Variants in AFG2A observed in about 807,000 individuals in gnomAD.
AFG2A encodes AAA ATPase AFG2A, also known as ATPase family gene 2 protein homolog A.
chr4:123,177,205 T>G, the AFG2A span, among the ~76,000 whole-genome samples: 1 of 151,000 alleles, frequency 6.6e-6, no homozygotes, highest in East Asian at 1.9e-4. Context: ...TTTTTTTTTT[T>G]TTTTTTGAGA....
chr4:123,134,347 A>T, the AFG2A span, among the ~76,000 whole-genome samples: 1 of 152,166 alleles, frequency 6.6e-6, no homozygotes, highest in Admixed American at 6.5e-5. Flanking sequence ...GTCATCACTT[A>T]TTGTAGAGAC....
At chr4:123,226,328 G>A in the AFG2A span, among the ~76,000 whole-genome samples, 891 of 152,280 alleles carry the variant, frequency 5.9e-3, 6 homozygotes, top group Non-Finnish European at 9.7e-3. Flanking sequence ...TGCCCATTCA[G>A]TATGATATTG....
At chr4:123,304,211 C>G in the AFG2A span, among the ~76,000 whole-genome samples, 1 of 152,180 alleles carries the variant, frequency 6.6e-6, no homozygotes, top group Non-Finnish European at 1.5e-5. Flanking sequence ...TGCTCTGCAG[C>G]CAGGAGCCTG....
At chr4:123,315,376 A>AGATTT in the AFG2A span, 1 of 128,026 alleles carries the variant, frequency 7.8e-6, no homozygotes, top group African/African-American at 3.3e-5. Context: ...TTTTTTTTTT[A>AGATTT]TTAGAGACAG....
the AFG2A span, among the ~76,000 whole-genome samples, chr4:123,231,355 A>C: frequency 6.6e-6 from 1 of 151,980 alleles, no homozygotes; most frequent in South Asian, 2.1e-4. Flanking sequence ...TTCTTTTCTT[A>C]AACTTCATCA....
the AFG2A span, among the ~76,000 whole-genome samples, chr4:123,125,993 A>G: frequency 6.6e-6 from 1 of 152,180 alleles, no homozygotes; most frequent in Non-Finnish European, 1.5e-5. Context: ...GGAGTGATAT[A>G]CTGTTAAGGA....
At chr4:123,158,385 T>C in the AFG2A span, among the ~76,000 whole-genome samples, 13 of 152,184 alleles carry the variant, frequency 8.5e-5, no homozygotes, top group Admixed American at 2.6e-4. Flanking sequence ...TTTTTTTGTA[T>C]GTATGGGTGA....
the AFG2A span, among the ~76,000 whole-genome samples, chr4:123,161,832 A>T: frequency 6.6e-6 from 1 of 152,214 alleles, no homozygotes; most frequent in Non-Finnish European, 1.5e-5. Flanking sequence ...TAAGACAAGG[A>T]TATATATGAG....
At chr4:123,177,927 G>C in the AFG2A span, among the ~76,000 whole-genome samples, 7 of 152,118 alleles carry the variant, frequency 4.6e-5, no homozygotes, top group African/African-American at 1.4e-4. Flanking sequence ...TTCTGGAATG[G>C]TGTCTTGGTG....
the AFG2A span, among the ~76,000 whole-genome samples, chr4:123,253,351 G>A: frequency 6.6e-6 from 1 of 152,122 alleles, no homozygotes. Context: ...AGGCGTGGTG[G>A]TGGGCGCCTG....
At chr4:123,058,543 T>C in the AFG2A span, among the ~76,000 whole-genome samples, 8 of 152,172 alleles carry the variant, frequency 5.3e-5, no homozygotes, top group Non-Finnish European at 7.3e-5. Flanking sequence ...GAGAATTGCT[T>C]GAGCCCAGGA....
At chr4:122,950,284 C>T in the AFG2A span, among the ~76,000 whole-genome samples, 1 of 152,140 alleles carries the variant, frequency 6.6e-6, no homozygotes, top group African/African-American at 2.4e-5. Flanking sequence ...ATATCCAGGG[C>T]CTCTGCCTAT....
chr4:123,045,027 A>G, the AFG2A span, among the ~76,000 whole-genome samples: 1 of 152,026 alleles, frequency 6.6e-6, no homozygotes, highest in East Asian at 1.9e-4. Context: ...CCAGGTCAAT[A>G]ACTGCATAGT....
chr4:123,318,664 G>A, the AFG2A span: 2 of 151,900 alleles, frequency 1.3e-5, no homozygotes, highest in Non-Finnish European at 2.9e-5. Context: ...GCACACACCA[G>A]TAGTCCCAGC....
chr4:123,201,907 A>G, the AFG2A span, among the ~76,000 whole-genome samples: 1 of 152,112 alleles, frequency 6.6e-6, no homozygotes, highest in East Asian at 1.9e-4. Context: ...GGGCAACCAG[A>G]GTGAGACCCT....
the AFG2A span, among the ~76,000 whole-genome samples, chr4:123,215,261 C>G: frequency 2.0e-5 from 3 of 152,052 alleles, no homozygotes; most frequent in East Asian, 5.8e-4. Flanking sequence ...GCCCACTTTT[C>G]CATTAAATAT....
At chr4:122,986,324 C>A in the AFG2A span, among the ~76,000 whole-genome samples, 1,759 of 152,232 alleles carry the variant, frequency 0.012, 14 homozygotes, top group Middle Eastern at 0.078. Context: ...TCCATGGTTT[C>A]TTTGTTGACT....
At chr4:123,021,114 C>T in the AFG2A span, among the ~76,000 whole-genome samples, 2 of 152,046 alleles carry the variant, frequency 1.3e-5, no homozygotes, top group African/African-American at 4.8e-5. Flanking sequence ...GAGCTTTTTA[C>T]CCCCATAGTT....
At chr4:123,013,111 A>G in the AFG2A span, among the ~76,000 whole-genome samples, 1 of 152,034 alleles carries the variant, frequency 6.6e-6, no homozygotes, top group Admixed American at 6.6e-5. Context: ...AAGGAAAATT[A>G]TAGTCAAAGG....
Sources: gnomAD v4.1 joint callset for allele counts (sites outside exome capture counted in the v4.1 genomes callset) on GRCh38, gnomAD v4.1.1 for gene constraint, MANE v1.5 for transcripts, NCBI Gene and HGNC (gene_info 2026-07-23, HGNC 2026-07-21) for gene names.